PDS5B: variants seen among roughly 807,000 people sequenced by gnomAD.
PDS5B encodes PDS5 cohesin associated factor B.
A neutral mutation model predicts 184.1 loss-of-function variants in PDS5B; 51 were observed. The observed-to-expected ratio is 0.28, with a 90% CI of 0.22 to 0.35. The LOEUF (loss-of-function observed/expected upper bound fraction) is 0.35, where lower values mean the gene tolerates loss of function less well. PDS5B is among the 10% of genes least tolerant of loss of function. The pLI is 1.00. For missense variants in PDS5B, 1,180 were observed against 1,723.3 expected (o/e 0.68, Z 5.58); for synonymous variants, 566 against 569.2 (o/e 0.99, Z 0.08).
rs9596233 is a variant in PDS5B at position 32,776,878 on chromosome 13, C to T, written c.*1826C>T. On this transcript the variant is annotated 3_prime_UTR_variant, in exon 35 of 35. Transcript: ENST00000315596. ...AATTGTGTCTTAATCTCTCCATATTCAACTATTCTTCATTTACAACAATAG... is the reference window on the plus strand; with the variant it reads ...AATTGTGTCTTAATCTCTCCATATTTAACTATTCTTCATTTACAACAATAG... The T allele has an allele frequency of 0.44, 67,230 of 152,152 alleles. 15,249 individuals are homozygous for T. Among genetic ancestry groups the T allele is most frequent in the African/African-American group, 0.49 (20,407 of 41,442 alleles). The allele number at this position is 152,152 out of a possible 1,614,324, so 9.4% of individuals were successfully genotyped here.
At chr13:32,679,742 C>T (rs1171471242) in intron 10 of PDS5B, among the ~76,000 whole-genome samples, 1 of 152,184 alleles carries the variant, frequency 6.6e-6, no homozygotes, top group African/African-American at 2.4e-5. Flanking sequence ...TGATTTCCTA[C>T]TCAAATTTGC....
At chr13:32,695,290 C>T (rs986712755) in intron 14 of PDS5B, among the ~76,000 whole-genome samples, 1 of 151,740 alleles carries the variant, frequency 6.6e-6, no homozygotes, top group African/African-American at 2.4e-5. Context: ...TGAACATAAC[C>T]TTTTTTCTGT....
chr13:32,680,810 A>G (rs1357269304), intron 10 of PDS5B, among the ~76,000 whole-genome samples: 1 of 152,118 alleles, frequency 6.6e-6, no homozygotes, highest in African/African-American at 2.4e-5. Flanking sequence ...TTGTTTTTTA[A>G]GAGACAGGGT....
In PDS5B at chr13:32,774,971, C is replaced by T. The variant is rs193264658; in HGVS notation, c.4309-46C>T. The T allele has an allele frequency of 7.4e-4, 1,128 of 1,522,768 alleles. 1 individual carries two copies. The highest frequency in any genetic ancestry group is 9.5e-4 in the Non-Finnish European group (1,048 of 1,099,040). The allele number at this position is 1,522,768 out of a possible 1,614,324, so 94.3% of individuals were successfully genotyped here. A position where few individuals can be genotyped will look rare whatever the true frequency, so the allele number is the denominator to read the frequency against. On this transcript the variant is annotated intron_variant, in intron 34 of 34. Coordinates refer to ENST00000315596, the MANE Select transcript of PDS5B (RefSeq NM_015032.4). ...AAAAATGATTACTGCATATCTTATGCACATATACCCATTTTAATTAAGCAT... is the reference window on the plus strand; with the variant it reads ...AAAAATGATTACTGCATATCTTATGTACATATACCCATTTTAATTAAGCAT...
chr13:32,592,428 TGCATTTTTA>T (rs1167303674), intron 1 of PDS5B, among the ~76,000 whole-genome samples: 2 of 152,172 alleles, frequency 1.3e-5, no homozygotes, highest in Admixed American at 1.3e-4. Context: ...GCTAATTTTT[TGCATTTTTA>T]GTAGAGACAG....
At chr13:32,593,709 A>G (rs2140464185) in intron 1 of PDS5B, among the ~76,000 whole-genome samples, 1 of 152,272 alleles carries the variant, frequency 6.6e-6, no homozygotes, top group South Asian at 2.1e-4. Context: ...AGGAAGGAAA[A>G]TATATTTGCT....
At chr13:32,672,518 C>T (rs1406324346) in intron 7 of PDS5B, among the ~76,000 whole-genome samples, 3 of 151,982 alleles carry the variant, frequency 2.0e-5, no homozygotes, top group Non-Finnish European at 4.4e-5. Context: ...CTGAGAAGTC[C>T]GAGAGTAGGC....
rs573757333 is a variant in PDS5B at position 32,631,122 on chromosome 13, T to C, written c.-19-17632T>C. 6.3e-5 allele frequency among the ~76,000 whole-genome samples: 9 copies of C among 142,552 alleles called. No homozygotes were observed. In the South Asian group the frequency reaches 8.5e-4, roughly 13 times the overall value. The allele number at this position is 142,552 out of a possible 152,430, so 93.5% of individuals were successfully genotyped here. A position where few individuals can be genotyped will look rare whatever the true frequency, so the allele number is the denominator to read the frequency against. On this transcript the variant is annotated intron_variant, in intron 1 of 34. Transcript: ENST00000315596. ...CTATTGATTCTTTTTTTCTTTCTTTTTTTTTTTTTTTGAGATGGGGTCTCA... is the reference window on the plus strand; with the variant it reads ...CTATTGATTCTTTTTTTCTTTCTTTCTTTTTTTTTTTGAGATGGGGTCTCA...
At chr13:32,699,701 A>G (rs769548709) in intron 15 of PDS5B, 29 bp from the exon 16 acceptor site, 2 of 1,310,872 alleles carry the variant, frequency 1.5e-6, no homozygotes, top group Non-Finnish European at 2.0e-6. Context: ...AAAAAAATTG[A>G]TTTTAATTGA....
intron 6 of PDS5B, among the ~76,000 whole-genome samples, chr13:32,661,399 A>AC (rs1555297544): frequency 6.7e-6 from 1 of 150,032 alleles, no homozygotes; most frequent in African/African-American, 2.4e-5. Context: ...AAAAAAAAAA[A>AC]AAAAAAAAAA....
chr13:32,762,833 G>C (rs1400780252), intron 30 of PDS5B, among the ~76,000 whole-genome samples: 1 of 151,790 alleles, frequency 6.6e-6, no homozygotes, highest in Non-Finnish European at 1.5e-5. Context: ...TGTGTATATT[G>C]TATCACTGCT....
chr13:32,746,647 A>T (rs1278714316), intron 24 of PDS5B, among the ~76,000 whole-genome samples: 1 of 152,204 alleles, frequency 6.6e-6, no homozygotes, highest in African/African-American at 2.4e-5. Context: ...AACACCAGAC[A>T]GTACTTCATC....
At chr13:32,594,411 CTCAA>C (rs1204114295) in intron 1 of PDS5B, among the ~76,000 whole-genome samples, 1 of 152,096 alleles carries the variant, frequency 6.6e-6, no homozygotes, top group Non-Finnish European at 1.5e-5. Flanking sequence ...ATGAAAGATA[CTCAA>C]TCAAGAGATG....
intron 9 of PDS5B, 82 bp from the exon 10 acceptor site, chr13:32,678,753 A>G: frequency 5.0e-6 from 4 of 798,234 alleles, no homozygotes; most frequent in East Asian, 2.6e-5. Context: ...CTTTAATTAG[A>G]TAAATGTAAA....
chr13:32,656,103 T>G (rs931998195), intron 3 of PDS5B, among the ~76,000 whole-genome samples: 11 of 152,110 alleles, frequency 7.2e-5, no homozygotes, highest in Admixed American at 7.2e-4. Flanking sequence ...CATTGCTTGT[T>G]TTTGTGCTTT....
rs1489073927 is a variant in PDS5B at position 32,746,094 on chromosome 13, T to C, written c.2730T>C (p.Ala910=). Residue 910 remains alanine, a synonymous_variant, in exon 24 of 35, where the codon GCT becomes GCC. Coordinates refer to ENST00000315596, the MANE Select transcript of PDS5B (RefSeq NM_015032.4). ...AACAATATCAGCTATGTGCATTAGC[T>C]ATCAACGTAAGGAAATGGCTGTGTA... ...TLEQYQLCAL[A]INDECYQVRQ... 2 of 1,612,302 alleles carry C rather than the reference T, an allele frequency of 1.2e-6. No homozygotes were observed. Among genetic ancestry groups the C allele is most frequent in the African/African-American group, 1.3e-5 (1 of 74,990 alleles).
At chr13:32,593,391 A>G (rs2057806084) in intron 1 of PDS5B, among the ~76,000 whole-genome samples, 1 of 152,230 alleles carries the variant, frequency 6.6e-6, no homozygotes, top group Admixed American at 6.5e-5. Context: ...TAACACATGG[A>G]GTGCAGTGGC....
chr13:32,677,821 T>C (rs544626320), intron 9 of PDS5B, among the ~76,000 whole-genome samples: 18 of 152,266 alleles, frequency 1.2e-4, no homozygotes, highest in African/African-American at 4.1e-4. Flanking sequence ...TTAAGACATA[T>C]GAAAATATTG....
At chr13:32,737,815 C>T (rs1401067990) in intron 21 of PDS5B, among the ~76,000 whole-genome samples, 1 of 152,078 alleles carries the variant, frequency 6.6e-6, no homozygotes, top group African/African-American at 2.4e-5. Flanking sequence ...CTCTTAGTTC[C>T]TTAGAGTTCT....
Sources: gnomAD v4.1 joint callset for allele counts (sites outside exome capture counted in the v4.1 genomes callset) on GRCh38, gnomAD v4.1.1 for gene constraint, MANE v1.5 for transcripts, NCBI Gene and HGNC (gene_info 2026-07-23, HGNC 2026-07-21) for gene names.